Variants in ANAPC4 observed in about 807,000 individuals in gnomAD.
ANAPC4 encodes the protein anaphase promoting complex subunit 4.
ANAPC4 carries 63 observed loss-of-function variants against 119.8 expected under a neutral mutation model. The ratio of observed to expected loss-of-function variants is 0.53; its 90% CI spans 0.43 to 0.65. The LOEUF (loss-of-function observed/expected upper bound fraction) is 0.65, where lower values mean the gene tolerates loss of function less well. Among genes scored for constraint, ANAPC4 ranks in the 30% least tolerant of loss-of-function variants. The probability of loss-of-function intolerance (pLI) is 0.00; values close to 1 mark genes in which losing one functional copy is unlikely to be tolerated. For missense variants in ANAPC4, 716 were observed against 945.1 expected (o/e 0.76, Z 3.18); for synonymous variants, 283 against 318.6 (o/e 0.89, Z 1.19).
At chr4:25,394,117 G>A (rs999955767) in intron 11 of ANAPC4, among the ~76,000 whole-genome samples, 193 bp from the exon 12 acceptor site, 1 of 152,108 alleles carries the variant, frequency 6.6e-6, no homozygotes, top group Non-Finnish European at 1.5e-5. Flanking sequence ...GAGCTGGTGG[G>A]GCTTTGGCAA....
intron 21 of ANAPC4, chr4:25,413,092 A>G (rs1438578817): frequency 6.6e-6 from 1 of 150,894 alleles, no homozygotes; most frequent in Non-Finnish European, 1.5e-5. Flanking sequence ...ATTGGAGAAT[A>G]TGGTGTTTAC....
Position 25,404,845 on chromosome 4 carries a change from GT to G in ANAPC4, c.1271-721del, listed in dbSNP as rs200973073. Among the ~76,000 whole-genome samples, 305 of 152,070 alleles carry G rather than the reference GT, an allele frequency of 2.0e-3. 1 individual carries two copies. Among genetic ancestry groups the G allele is most frequent in the Admixed American group, 5.0e-3 (77 of 15,258 alleles). On this transcript the variant is annotated intron_variant, in intron 17 of 28. Coordinates refer to ENST00000315368, the MANE Select transcript of ANAPC4 (RefSeq NM_013367.3). ...GCACCTAGGGTATGCTCAATAAGTA[GT>G]TTTTTTGGATGGATAAGAATGAGTG...
Position 25,416,583 on chromosome 4 carries a change from G to T in ANAPC4, c.2060G>T (p.Gly687Val). Residue 687 changes from glycine (G) to valine (V), a missense_variant, in exon 27 of 29, where the codon GGG becomes GTG. Physicochemically the swap from Gly to Val is moderately radical, Grantham distance 109. Coordinates refer to ENST00000315368, the MANE Select transcript of ANAPC4 (RefSeq NM_013367.3). ...GATTCTGCAGAATATCAGTTCACTG[G>T]GACTTATTCTACAAGGTAACTAGTA... is the stretch of plus-strand genomic sequence containing the variant. ...SEDSAEYQFT[G>V]TYSTRLDEQC... is the part of the protein sequence containing the mutation. The T allele has an allele frequency of 6.5e-7, 1 of 1,538,918 alleles. No individual in the cohort carries two copies. The highest frequency in any genetic ancestry group is 8.8e-7 in the Non-Finnish European group (1 of 1,133,602).
intron 17 of ANAPC4, among the ~76,000 whole-genome samples, chr4:25,404,490 TTCTAACTGTAGTAAGAA>T (rs1723149529): frequency 1.3e-5 from 2 of 152,280 alleles, no homozygotes; most frequent in East Asian, 3.9e-4. Context: ...TTACTACACA[TTCTAACTGTAGTAAGAA>T]TCTAACTGTA....
chr4:25,390,273 T>A, intron 8 of ANAPC4, 53 bp downstream of exon 8: 1 of 1,311,446 alleles, frequency 7.6e-7, no homozygotes, highest in Non-Finnish European at 1.1e-6. Context: ...TAGAATATAC[T>A]AGGTACTTAT....
rs534639030 is a variant in ANAPC4 at position 25,377,355 on chromosome 4, G to T, written c.-11+11G>T. On this transcript the variant is annotated intron_variant, in intron 1 of 28. Coordinates refer to ENST00000315368, the MANE Select transcript of ANAPC4 (RefSeq NM_013367.3). ...TGGGGACTCTTGCAGGTACAGGCGC[G>T]GTCGGGGCTCCTCGTGGAGAGCCGG... The T allele has an allele frequency of 4.4e-6, 7 of 1,585,170 alleles. No homozygotes were observed. The highest frequency in any genetic ancestry group is 1.3e-5 in the African/African-American group (1 of 74,374).
In ANAPC4 at chr4:25,418,139, G is replaced by T; in HGVS notation, c.2200-16G>T. On this transcript the variant is annotated splice_polypyrimidine_tract_variant and intron_variant, in intron 28 of 28. Transcript: ENST00000315368. ...CCATTAATTTAAAAATGCTTTTATG[G>T]CCTTTTCTTTTTTAGTTAAGCTCAA... The T allele has an allele frequency of 6.2e-7, 1 of 1,601,126 alleles. No individual in the cohort carries two copies. The highest frequency in any genetic ancestry group is 1.1e-5 in the South Asian group (1 of 88,444).
chr4:25,394,563 A>T, intron 12 of ANAPC4, 108 bp from the exon 13 acceptor site: 1 of 1,264,732 alleles, frequency 7.9e-7, no homozygotes, highest in South Asian at 1.5e-5. Context: ...TTGTGGGGCT[A>T]TTTCTTTATT....
chr4:25,378,987 G>A (rs1721568051), intron 2 of ANAPC4, among the ~76,000 whole-genome samples: 1 of 152,180 alleles, frequency 6.6e-6, no homozygotes, highest in Non-Finnish European at 1.5e-5. Flanking sequence ...AAGGAGGGAA[G>A]TGAAGGCATG....
intron 21 of ANAPC4, among the ~76,000 whole-genome samples, chr4:25,412,618 G>T (rs1723635352): frequency 6.6e-6 from 1 of 152,030 alleles, no homozygotes; most frequent in African/African-American, 2.4e-5. Context: ...TGGGTGTGGT[G>T]GTGTGCACCT....
In ANAPC4 at chr4:25,388,540, C is replaced by T; in HGVS notation, c.409C>T (p.Leu137Phe). Residue 137 changes from leucine (L) to phenylalanine (F), a missense_variant, in exon 5 of 29, where the codon CTT becomes TTT. Around this residue, in one of 3 missense-constraint regions of ANAPC4, gnomAD observed 202 missense variants for 293.5 expected, o/e 0.69. Coordinates refer to ENST00000315368, the MANE Select transcript of ANAPC4 (RefSeq NM_013367.3). ...SFYNAEDESN[L>F]LLPKLPTLPK... Reference sequence around the variant, plus strand: ...TTATAATGCTGAGGATGAATCAAATCTTCTCTTACCTAAACTACCTACACT... The same window carrying T: ...TTATAATGCTGAGGATGAATCAAATTTTCTCTTACCTAAACTACCTACACT... 2 of 1,605,172 alleles carry T rather than the reference C, an allele frequency of 1.2e-6. No individual in the cohort carries two copies. The highest frequency in any genetic ancestry group is 1.7e-6 in the Non-Finnish European group (2 of 1,172,630).
At chr4:25,384,702 T>G (rs1020032097) in intron 4 of ANAPC4, among the ~76,000 whole-genome samples, 1 of 151,530 alleles carries the variant, frequency 6.6e-6, no homozygotes, top group East Asian at 1.9e-4. Flanking sequence ...CTCAGGAGGC[T>G]GAGGTGGGAG....
Position 25,418,223 on chromosome 4 carries a change from GTCT to G in ANAPC4, c.2271_2273del (p.Ser758del), listed in dbSNP as rs756113985. 61 of 1,613,968 alleles carry G rather than the reference GTCT, an allele frequency of 3.8e-5. No individual in the cohort carries two copies. The highest frequency in any genetic ancestry group is 4.9e-5 in the Non-Finnish European group (58 of 1,179,984). ...TAGATGATGAATGGGAGCTCGATGA[GTCT>G]TCAGATGAAGAGGAGGAGGCCAGTA... On this transcript the variant is annotated inframe_deletion, in exon 29 of 29. Coordinates refer to ENST00000315368, the MANE Select transcript of ANAPC4 (RefSeq NM_013367.3).
At chr4:25,384,001 G>A (rs1721889982) in intron 4 of ANAPC4, among the ~76,000 whole-genome samples, 1 of 152,170 alleles carries the variant, frequency 6.6e-6, no homozygotes, top group African/African-American at 2.4e-5. Context: ...GATGCTATTT[G>A]ATAGCATTTT....
At chr4:25,391,752 C>G (rs1722357802) in intron 9 of ANAPC4, among the ~76,000 whole-genome samples, 1 of 152,194 alleles carries the variant, frequency 6.6e-6, no homozygotes, top group African/African-American at 2.4e-5. Context: ...ATGCAAGATG[C>G]AATGTGTGTG....
At chr4:25,394,550 T>A in intron 12 of ANAPC4, 121 bp from the exon 13 acceptor site, 1 of 1,180,164 alleles carries the variant, frequency 8.5e-7, no homozygotes, top group East Asian at 2.5e-5. Context: ...TGCGTAGAAT[T>A]TTTTGTGGGG....
chr4:25,382,115 T>C (rs911820050), intron 3 of ANAPC4, among the ~76,000 whole-genome samples: 2 of 82,084 alleles, frequency 2.4e-5, no homozygotes, highest in African/African-American at 8.2e-5. Context: ...TAGCTTTTTC[T>C]TTTTTTTCCC....
At chr4:25,394,247 G>C in intron 11 of ANAPC4, 63 bp from the exon 12 acceptor site, 2 of 1,344,338 alleles carry the variant, frequency 1.5e-6, no homozygotes, top group Non-Finnish European at 2.0e-6. Flanking sequence ...CTATAATTTT[G>C]AATAAATATG....
chr4:25,378,648 G>A (rs530262429), intron 2 of ANAPC4, among the ~76,000 whole-genome samples: 10 of 152,336 alleles, frequency 6.6e-5, no homozygotes, highest in Non-Finnish European at 1.5e-4. Flanking sequence ...TTGTTTATGG[G>A]TGAAGATGGA....
Sources: gnomAD v4.1 joint callset for allele counts (sites outside exome capture counted in the v4.1 genomes callset) on GRCh38, gnomAD v4.1.1 for gene constraint, gnomAD v4.1.1 regional missense constraint, MANE v1.5 for transcripts, NCBI Gene and HGNC (gene_info 2026-07-23, HGNC 2026-07-21) for gene names.